The following SEH1L variants were observed in gnomAD, a reference collection of about 807,000 sequenced individuals.
SEH1L encodes the protein nucleoporin SEH1.
In SEH1L, 18 loss-of-function variants were observed where a neutral mutation model predicts 49.5. The observed-to-expected ratio is 0.36, with a 90% CI of 0.25 to 0.54. SEH1L has a LOEUF of 0.54. Among genes scored for constraint, SEH1L ranks in the 20% least tolerant of loss-of-function variants. The pLI, the probability that SEH1L is intolerant of heterozygous loss-of-function variation, is 0.87. For missense variants in SEH1L, 404 were observed against 528.8 expected (o/e 0.76, Z 2.31); for synonymous variants, 169 against 178.1 (o/e 0.95, Z 0.41).
At chr18:12,948,817 GT>G (rs1231992997) in intron 1 of SEH1L, 1 of 151,024 alleles carries the variant, frequency 6.6e-6, no homozygotes. Flanking sequence ...GTAAACGTCT[GT>G]AGACACTTCC....
intron 1 of SEH1L, among the ~76,000 whole-genome samples, chr18:12,949,776 G>C (rs910614745): frequency 8.5e-5 from 13 of 152,054 alleles, no homozygotes; most frequent in African/African-American, 3.1e-4. Flanking sequence ...TTAAAGTGTA[G>C]AATTCAGTGG....
At chr18:12,948,543 C>T (rs1185707905) in intron 1 of SEH1L, 4 of 233,228 alleles carry the variant, frequency 1.7e-5, no homozygotes, top group Non-Finnish European at 3.3e-5. Flanking sequence ...GGGCATCCCA[C>T]CGTCAGCCTC....
rs11480632 is a variant in SEH1L, at chr18:12,986,803, G to GTTTT, written c.1071-52_1071-49dup. On this transcript the variant is annotated intron_variant, in intron 8 of 8. Coordinates refer to ENST00000399892, the MANE Select transcript of SEH1L (RefSeq NM_001013437.2). ...TTTACTACTTTTCTCTTTTTCTTGT[G>GTTTT]TTTTTTTTTTCCTGTTTTTGTTTTG... The GTTTT allele has an allele frequency of 4.9e-5, 55 of 1,131,340 alleles. No homozygotes were observed. In the African/African-American group the frequency reaches 5.1e-4, roughly 10 times the overall value. 70.1% of individuals were successfully genotyped at this position (1,131,340 alleles called of 1,614,324 possible).
chr18:12,985,452 C>T (rs2032425863), intron 8 of SEH1L: 1 of 1,281,004 alleles, frequency 7.8e-7, no homozygotes, highest in South Asian at 2.7e-5. Flanking sequence ...TTTATTGACA[C>T]TATTTGAAAC....
At chr18:12,952,315 C>T (rs886719210) in intron 2 of SEH1L, among the ~76,000 whole-genome samples, 1 of 151,688 alleles carries the variant, frequency 6.6e-6, no homozygotes, top group Non-Finnish European at 1.5e-5. Context: ...TCACTGCAAC[C>T]TCCGCCTGTT....
chr18:12,984,677 C>T (rs569737012), intron 8 of SEH1L: 59 of 153,978 alleles, frequency 3.8e-4, no homozygotes, highest in Non-Finnish European at 7.5e-4. Flanking sequence ...AATAATAAAA[C>T]ACGAGATTGA....
chr18:12,949,108 C>T (rs572511558), intron 1 of SEH1L, among the ~76,000 whole-genome samples: 20 of 151,854 alleles, frequency 1.3e-4, no homozygotes, highest in Non-Finnish European at 1.8e-4. Context: ...ATCCACCCGC[C>T]TCGGCGCCTC....
chr18:12,978,322 G>T (rs1205322306), intron 5 of SEH1L: 2 of 154,836 alleles, frequency 1.3e-5, no homozygotes, highest in African/African-American at 4.8e-5. Context: ...TGTTGGGGCT[G>T]TGCTTCCTCT....
chr18:12,952,680 C>T (rs148827356), intron 2 of SEH1L, among the ~76,000 whole-genome samples: 9 of 152,272 alleles, frequency 5.9e-5, no homozygotes, highest in Non-Finnish European at 1.3e-4. Flanking sequence ...CCTATTCCCA[C>T]TCCAAGCCCC....
intron 1 of SEH1L, among the ~76,000 whole-genome samples, chr18:12,949,016 A>AT (rs1568205762): frequency 6.7e-6 from 1 of 149,688 alleles, no homozygotes; most frequent in African/African-American, 2.5e-5. Flanking sequence ...CCCCCGGCTA[A>AT]TCTTTTTTTT....
At chr18:12,978,034 C>T (rs1368100140) in intron 5 of SEH1L, 2 of 152,308 alleles carry the variant, frequency 1.3e-5, no homozygotes, top group South Asian at 2.1e-4. Context: ...TGCTGTGTTG[C>T]GCAGGCTGGT....
rs377373014 is a variant in SEH1L, at chr18:12,984,011, G to A, written c.920-29G>A. The stretch of plus-strand genomic sequence containing the variant: ...GCCCTTAGGCATTGGTATTAATCAT[G>A]TTAATGTATTTGATTATTTTCCTTT... On this transcript the variant is annotated intron_variant, in intron 7 of 8. Coordinates refer to ENST00000399892, the MANE Select transcript of SEH1L (RefSeq NM_001013437.2). 3.6e-4 allele frequency: 566 copies of A among 1,585,046 alleles called. 10 individuals carry two copies. In the South Asian group the frequency reaches 5.0e-3, roughly 14 times the overall value.
intron 5 of SEH1L, chr18:12,977,486 A>T (rs926705105): frequency 1.3e-5 from 2 of 152,234 alleles, no homozygotes; most frequent in African/African-American, 4.8e-5. Context: ...GCACTTTGGG[A>T]GGCAGAGGCG....
intron 4 of SEH1L, among the ~76,000 whole-genome samples, chr18:12,967,244 CT>C (rs1373383345): frequency 6.6e-6 from 1 of 152,174 alleles, no homozygotes; most frequent in Non-Finnish European, 1.5e-5. Flanking sequence ...AGTGTATAAC[CT>C]TTTTGTGTGT....
chr18:12,975,982 AT>A (rs2031900905), intron 5 of SEH1L: 1 of 635,228 alleles, frequency 1.6e-6, no homozygotes, highest in African/African-American at 2.0e-5. Flanking sequence ...TATTTCAGAC[AT>A]ATGTTTGAGG....
At chr18:12,950,152 G>A (rs2030431125) in intron 1 of SEH1L, among the ~76,000 whole-genome samples, 1 of 151,678 alleles carries the variant, frequency 6.6e-6, no homozygotes, top group African/African-American at 2.4e-5. Context: ...TCCCACCTTA[G>A]CCTCTCCAGT....
intron 1 of SEH1L, among the ~76,000 whole-genome samples, chr18:12,949,388 T>C (rs1281276031): frequency 7.3e-5 from 11 of 151,670 alleles, no homozygotes; most frequent in Non-Finnish European, 1.6e-4. Context: ...TTTTAAAAGA[T>C]GTAGTTTCTT....
chr18:12,949,524 C>G (rs2030377173), intron 1 of SEH1L, among the ~76,000 whole-genome samples: 1 of 119,914 alleles, frequency 8.3e-6, no homozygotes, highest in South Asian at 2.9e-4. Flanking sequence ...GCAATCTTGG[C>G]TCACTGCAAG....
At chr18:12,951,218 G>T (rs2030504308) in intron 1 of SEH1L, among the ~76,000 whole-genome samples, 2 of 152,128 alleles carry the variant, frequency 1.3e-5, no homozygotes, top group Admixed American at 6.6e-5. Flanking sequence ...ACTGTAAGCA[G>T]GTGTTTTTCA....
Sources: gnomAD v4.1 joint callset for allele counts (sites outside exome capture counted in the v4.1 genomes callset) on GRCh38, gnomAD v4.1.1 for gene constraint, MANE v1.5 for transcripts, NCBI Gene and HGNC (gene_info 2026-07-23, HGNC 2026-07-21) for gene names.